Variants in PTPRT observed in about 807,000 individuals in gnomAD.
PTPRT encodes receptor-type tyrosine-protein phosphatase T.
In PTPRT, 56 loss-of-function variants were observed where a neutral mutation model predicts 176.8. The observed-to-expected ratio is 0.32, with a 90% CI of 0.26 to 0.40. The LOEUF (loss-of-function observed/expected upper bound fraction) is 0.40. Ranked by LOEUF, PTPRT falls within the 10% of genes least tolerant of loss-of-function variation. The probability of loss-of-function intolerance (pLI) is 1.00; values close to 1 mark genes in which losing one functional copy is unlikely to be tolerated. For missense variants in PTPRT, 1,540 were observed against 1,908.2 expected (o/e 0.81, Z 3.60); for synonymous variants, 783 against 739.0 (o/e 1.06, Z -0.96).
intron 7 of PTPRT, among the ~76,000 whole-genome samples, chr20:42,570,446 A>C (rs2073134527): frequency 6.6e-6 from 1 of 152,010 alleles, no homozygotes; most frequent in African/African-American, 2.4e-5. Context: ...CAAGTTTCTG[A>C]CTCCACCAAA....
chr20:42,538,492 A>G (rs1419611510), intron 7 of PTPRT, among the ~76,000 whole-genome samples: 1 of 152,216 alleles, frequency 6.6e-6, no homozygotes, highest in Non-Finnish European at 1.5e-5. Context: ...ATGTAAAAGC[A>G]TCTTGACCTC....
At chr20:42,685,138 G>A (rs1341803974) in intron 6 of PTPRT, among the ~76,000 whole-genome samples, 1 of 152,172 alleles carries the variant, frequency 6.6e-6, no homozygotes, top group Non-Finnish European at 1.5e-5. Context: ...ATACACAAAA[G>A]GTCTTAAGGG....
intron 1 of PTPRT, among the ~76,000 whole-genome samples, chr20:43,118,570 G>T (rs886710318): frequency 5.3e-5 from 8 of 152,140 alleles, no homozygotes; most frequent in Admixed American, 5.2e-4. Flanking sequence ...CTCCTGAGCA[G>T]CTGTGACTAC....
At chr20:42,998,545 A>C (rs921790987) in intron 1 of PTPRT, among the ~76,000 whole-genome samples, 2 of 152,250 alleles carry the variant, frequency 1.3e-5, no homozygotes, top group African/African-American at 4.8e-5. Flanking sequence ...CCATTTCAGC[A>C]TAGGATGTTG....
intron 1 of PTPRT, among the ~76,000 whole-genome samples, chr20:43,083,346 AT>A (rs1568774117): frequency 9.0e-5 from 11 of 121,558 alleles, no homozygotes; most frequent in African/African-American, 3.4e-4. Context: ...ATATATATAT[AT>A]ATATATATAT....
chr20:42,092,842 C>T (rs1393965435), intron 27 of PTPRT, among the ~76,000 whole-genome samples: 2 of 152,184 alleles, frequency 1.3e-5, no homozygotes, highest in East Asian at 3.9e-4. Flanking sequence ...CATGGGAATC[C>T]ATCACAGCCC....
At chr20:42,227,578 C>T (rs994067130) in intron 15 of PTPRT, among the ~76,000 whole-genome samples, 11 of 146,052 alleles carry the variant, frequency 7.5e-5, no homozygotes, top group South Asian at 6.5e-4. Flanking sequence ...TCAATTGTAG[C>T]GAATGGGGAA....
intron 9 of PTPRT, among the ~76,000 whole-genome samples, chr20:42,441,495 C>A (rs1410526366): frequency 1.3e-5 from 2 of 152,138 alleles, no homozygotes; most frequent in African/African-American, 2.4e-5. Flanking sequence ...TCCTTCAGTG[C>A]CTCGAAGTTA....
intron 7 of PTPRT, among the ~76,000 whole-genome samples, chr20:42,575,508 C>G (rs958318291): frequency 2.0e-5 from 3 of 152,198 alleles, no homozygotes; most frequent in Admixed American, 2.0e-4. Context: ...TAGGTGGCAA[C>G]CTCAAATCTT....
chr20:42,381,238 T>G (rs2058695649), intron 9 of PTPRT, among the ~76,000 whole-genome samples: 1 of 152,102 alleles, frequency 6.6e-6, no homozygotes, highest in African/African-American at 2.4e-5. Flanking sequence ...TTAGATTCAT[T>G]GTAGGGTGAT....
At chr20:42,554,163 A>C (rs373599873) in intron 7 of PTPRT, among the ~76,000 whole-genome samples, 10 of 152,134 alleles carry the variant, frequency 6.6e-5, no homozygotes, top group African/African-American at 2.4e-4. Flanking sequence ...TGTTTCTTCA[A>C]CTGAGCAATT....
chr20:42,187,189 T>G (rs1238830152), intron 16 of PTPRT, among the ~76,000 whole-genome samples: 2 of 152,176 alleles, frequency 1.3e-5, no homozygotes, highest in Non-Finnish European at 2.9e-5. Flanking sequence ...ATAACTATTA[T>G]CTGTGTTCCC....
intron 15 of PTPRT, among the ~76,000 whole-genome samples, chr20:42,227,299 A>G (rs1156700401): frequency 6.6e-6 from 1 of 152,194 alleles, no homozygotes; most frequent in Non-Finnish European, 1.5e-5. Flanking sequence ...AGCCAACCCC[A>G]GGGGAGGCCC....
At chr20:42,803,591 T>G (rs955713575) in intron 2 of PTPRT, among the ~76,000 whole-genome samples, 2 of 152,254 alleles carry the variant, frequency 1.3e-5, no homozygotes, top group African/African-American at 4.8e-5. Flanking sequence ...TCTCGCTCTG[T>G]TGCCCAGGAT....
At chr20:42,653,309 G>C (rs955920923) in intron 7 of PTPRT, among the ~76,000 whole-genome samples, 2 of 152,202 alleles carry the variant, frequency 1.3e-5, no homozygotes, top group African/African-American at 4.8e-5. Flanking sequence ...CTGCAAAACT[G>C]TGAGTCAATT....
At chr20:42,441,498 C>G (rs1024180295) in intron 9 of PTPRT, among the ~76,000 whole-genome samples, 1 of 152,044 alleles carries the variant, frequency 6.6e-6, no homozygotes, top group African/African-American at 2.4e-5. Context: ...TTCAGTGCCT[C>G]GAAGTTAAGA....
intron 5 of PTPRT, among the ~76,000 whole-genome samples, chr20:42,758,749 T>A (rs1168176522): frequency 1.3e-5 from 2 of 152,122 alleles, no homozygotes; most frequent in East Asian, 3.9e-4. Flanking sequence ...AAGAGGAGAA[T>A]CTGAAGCCAA....
intron 1 of PTPRT, among the ~76,000 whole-genome samples, chr20:42,929,597 T>C (rs1352948950): frequency 1.3e-5 from 2 of 152,232 alleles, no homozygotes; most frequent in Non-Finnish European, 2.9e-5. Flanking sequence ...TAAAAATTAA[T>C]AATAAAAGAG....
rs142495195 is a variant in PTPRT at position 43,124,550 on chromosome 20, C to A, written c.88+65096G>T. 1.8e-3 allele frequency among the ~76,000 whole-genome samples: 281 copies of A among 152,300 alleles called. 1 individual carries two copies. The highest frequency in any genetic ancestry group is 6.5e-3 in the African/African-American group (270 of 41,560). ...TGAGACTAGACTTAATGAGTAGTCA[C>A]ACAAAACATAATTCAGAAGATAAAT... On this transcript the variant is annotated intron_variant, in intron 1 of 30. Transcript: ENST00000373187.
Sources: allele counts gnomAD v4.1 joint callset (sites outside exome capture counted in the v4.1 genomes callset), GRCh38; gene constraint gnomAD v4.1.1; transcripts MANE v1.5; gene names NCBI Gene and HGNC (gene_info 2026-07-23, HGNC 2026-07-21).